KHDRBS2: variants seen among roughly 807,000 people sequenced by gnomAD.
KHDRBS2 encodes the protein KH RNA binding domain containing, signal transduction associated 2.
Under a neutral mutation model 44.3 loss-of-function variants are expected in KHDRBS2, and 26 were observed. That is an observed-to-expected ratio of 0.59 (90% CI 0.43 to 0.81). The LOEUF is 0.81. Ranked by LOEUF, KHDRBS2 falls within the 40% of genes least tolerant of loss-of-function variation. The probability of loss-of-function intolerance (pLI) is 0.00; values close to 1 mark genes in which losing one functional copy is unlikely to be tolerated. For synonymous variants in KHDRBS2, 194 were observed against 151.1 expected (o/e 1.28, Z -2.08); for missense variants, 476 against 433.1 (o/e 1.10, Z -0.88).
At chr6:61,592,545 C>T in the KHDRBS2 span, among the ~76,000 whole-genome samples, 26,044 of 152,088 alleles carry the variant, frequency 0.17, 2,461 homozygotes, top group East Asian at 0.29. Flanking sequence ...GTTTATTTCA[C>T]TGAAGTAGAT....
chr6:62,059,909 G>A (rs1791339177), intron 2 of KHDRBS2, among the ~76,000 whole-genome samples: 1 of 151,822 alleles, frequency 6.6e-6, no homozygotes, highest in Admixed American at 6.6e-5. Context: ...TTATAAATCA[G>A]TTAATCAGCA....
chr6:62,047,165 A>G (rs1257248963), intron 3 of KHDRBS2, among the ~76,000 whole-genome samples: 1 of 151,958 alleles, frequency 6.6e-6, no homozygotes, highest in Non-Finnish European at 1.5e-5. Context: ...GATACTACGA[A>G]ATACATCCCG....
intron 2 of KHDRBS2, among the ~76,000 whole-genome samples, chr6:62,078,322 A>G (rs1174281365): frequency 2.6e-5 from 4 of 152,146 alleles, no homozygotes; most frequent in Non-Finnish European, 5.9e-5. Context: ...TTTGGTGTGT[A>G]TGTGTCTCAT....
intron 6 of KHDRBS2, among the ~76,000 whole-genome samples, chr6:61,751,571 T>G (rs1777697532): frequency 6.6e-6 from 1 of 152,174 alleles, no homozygotes; most frequent in Non-Finnish European, 1.5e-5. Context: ...CCTTCACATT[T>G]TCACTTAAAA....
chr6:61,839,027 G>A (rs1793163496), intron 6 of KHDRBS2, among the ~76,000 whole-genome samples: 1 of 151,946 alleles, frequency 6.6e-6, no homozygotes, highest in South Asian at 2.1e-4. Flanking sequence ...TCACCTCAGG[G>A]ATTTCGCAGA....
chr6:62,094,125 G>A lies in KHDRBS2; in HGVS notation c.220-46131C>T, dbSNP rs141513462. ...TTACACCATACTGTTTTCCATTATCGCTGTATTAATTTACAACTCCAATTC... is the reference window on the plus strand; with the variant it reads ...TTACACCATACTGTTTTCCATTATCACTGTATTAATTTACAACTCCAATTC... On this transcript the variant is annotated intron_variant, in intron 2 of 8. Transcript: ENST00000281156. Among the ~76,000 whole-genome samples the A allele has an allele frequency of 5.2e-3, 788 of 151,734 alleles. 7 individuals are homozygous for A. The highest frequency in any genetic ancestry group is 0.018 in the African/African-American group (750 of 41,446).
chr6:61,833,305 C>T (rs1419904331), intron 6 of KHDRBS2, among the ~76,000 whole-genome samples: 3 of 152,116 alleles, frequency 2.0e-5, no homozygotes, highest in African/African-American at 7.2e-5. Flanking sequence ...TTCACATTAC[C>T]TATATTCTTT....
chr6:62,011,966 C>T (rs1265452609), intron 3 of KHDRBS2, among the ~76,000 whole-genome samples: 1 of 152,026 alleles, frequency 6.6e-6, no homozygotes, highest in Non-Finnish European at 1.5e-5. Context: ...TATTTACATA[C>T]ACAAGAAAAA....
intron 7 of KHDRBS2, among the ~76,000 whole-genome samples, chr6:61,718,090 C>T (rs1247193513): frequency 6.6e-6 from 1 of 151,898 alleles, no homozygotes. Context: ...TATGTTGTTG[C>T]AGGGATTAAA....
At chr6:61,602,986 C>A in the KHDRBS2 span, among the ~76,000 whole-genome samples, 2 of 152,122 alleles carry the variant, frequency 1.3e-5, no homozygotes, top group African/African-American at 4.8e-5. Context: ...TATTTCCCCA[C>A]CTTAATCCAC....
chr6:61,787,513 G>A (rs1784005141), intron 6 of KHDRBS2, among the ~76,000 whole-genome samples: 2 of 151,700 alleles, frequency 1.3e-5, no homozygotes, highest in African/African-American at 4.8e-5. Flanking sequence ...TGATTACTCA[G>A]CCTTACCTAT....
At chr6:61,607,520 C>CAAAAA in the KHDRBS2 span, among the ~76,000 whole-genome samples, 1,110 of 40,852 alleles carry the variant, frequency 0.027, 255 homozygotes, top group South Asian at 0.039. Context: ...GAGTTCCAAG[C>CAAAAA]AAAAAAAAAA....
intron 2 of KHDRBS2, among the ~76,000 whole-genome samples, chr6:62,136,061 A>C (rs1206780145): frequency 6.8e-6 from 1 of 147,958 alleles, no homozygotes; most frequent in East Asian, 2.0e-4. Flanking sequence ...TCTCACCACA[A>C]AAAAAAAAAA....
intron 1 of KHDRBS2, among the ~76,000 whole-genome samples, chr6:62,216,220 G>A (rs1299596451): frequency 6.6e-6 from 1 of 151,480 alleles, no homozygotes; most frequent in Non-Finnish European, 1.5e-5. Flanking sequence ...CGCTTTCAAG[G>A]ATTAGAATCA....
chr6:61,969,060 G>A (rs887643105), intron 4 of KHDRBS2, among the ~76,000 whole-genome samples: 1 of 151,988 alleles, frequency 6.6e-6, no homozygotes, highest in Non-Finnish European at 1.5e-5. Flanking sequence ...TATAATTATA[G>A]AAATGAATCC....
At chr6:61,747,511 A>G (rs897758416) in intron 6 of KHDRBS2, among the ~76,000 whole-genome samples, 1 of 152,214 alleles carries the variant, frequency 6.6e-6, no homozygotes, top group Admixed American at 6.5e-5. Context: ...TGATAAATGT[A>G]AAGCAATTTT....
intron 4 of KHDRBS2, among the ~76,000 whole-genome samples, chr6:61,942,856 C>T (rs193147470): frequency 6.6e-6 from 1 of 151,406 alleles, no homozygotes; most frequent in East Asian, 1.9e-4. Flanking sequence ...AAGGAAACCC[C>T]AATCAGACTA....
At chr6:62,155,951 G>C (rs1442124641) in intron 2 of KHDRBS2, among the ~76,000 whole-genome samples, 1 of 152,022 alleles carries the variant, frequency 6.6e-6, no homozygotes, top group East Asian at 1.9e-4. Context: ...GTGCATAATG[G>C]GCTCATTCTT....
At chr6:61,945,125 A>T (rs796331283) in intron 4 of KHDRBS2, among the ~76,000 whole-genome samples, 1 of 83,762 alleles carries the variant, frequency 1.2e-5, no homozygotes, top group East Asian at 3.2e-4. Context: ...ATATATATAT[A>T]TATATATATA....
Sources: gnomAD v4.1 joint callset for allele counts (sites outside exome capture counted in the v4.1 genomes callset) on GRCh38, gnomAD v4.1.1 for gene constraint, MANE v1.5 for transcripts, NCBI Gene and HGNC (gene_info 2026-07-23, HGNC 2026-07-21) for gene names.